The following PDCD6 variants were observed in gnomAD, a reference collection of about 807,000 sequenced individuals.
The protein encoded by PDCD6 is programmed cell death protein 6.
PDCD6 carries 12 observed loss-of-function variants against 28.3 expected under a neutral mutation model. That is an observed-to-expected ratio of 0.42 (90% CI 0.27 to 0.69). PDCD6 has a LOEUF of 0.69. PDCD6 is among the 30% of genes least tolerant of loss of function. The pLI is 0.22. For missense variants in PDCD6, 226 were observed against 269.9 expected (o/e 0.84, Z 1.14); for synonymous variants, 92 against 108.0 (o/e 0.85, Z 0.92).
chr5:278,316 TCAA>T (rs1738335096), intron 2 of PDCD6, among the ~76,000 whole-genome samples: 1 of 151,806 alleles, frequency 6.6e-6, no homozygotes, highest in Admixed American at 6.6e-5. Flanking sequence ...ATAAATGAGA[TCAA>T]CAAAAATACC....
At chr5:309,027 A>T (rs1740720207) in intron 4 of PDCD6, 1 of 153,306 alleles carries the variant, frequency 6.5e-6, no homozygotes, top group Non-Finnish European at 1.5e-5. Context: ...CGTGTCTGAC[A>T]AAGGCAGTCG....
rs769286195 is a variant in PDCD6 at position 271,858 on chromosome 5, G to A, written c.101+37G>A. Reference sequence around the variant, plus strand: ...CACCGCCCGGGCACCTCCCGCCTCCGCCGCGGCGGCCCCGACCCCTGTCCC... The same window carrying A: ...CACCGCCCGGGCACCTCCCGCCTCCACCGCGGCGGCCCCGACCCCTGTCCC... On this transcript the variant is annotated intron_variant, in intron 1 of 5. Transcript: ENST00000264933. 10 of 1,201,790 alleles carry A rather than the reference G, an allele frequency of 8.3e-6. No individual in the cohort carries two copies. The Admixed American group carries it at 2.2e-4, about 26-fold the overall frequency. 74.4% of individuals were successfully genotyped at this position (1,201,790 alleles called of 1,614,324 possible).
chr5:293,997 C>T (rs1040407786), intron 2 of PDCD6, among the ~76,000 whole-genome samples: 4 of 143,484 alleles, frequency 2.8e-5, no homozygotes, highest in African/African-American at 8.6e-5. Context: ...TGCAAACGCC[C>T]GCGATACTGT....
At chr5:311,088 C>T (rs1176916980) in intron 4 of PDCD6, 2 of 539,306 alleles carry the variant, frequency 3.7e-6, no homozygotes, top group African/African-American at 3.9e-5. Context: ...TCACTCCATG[C>T]ACTGGGGATG....
intron 3 of PDCD6, chr5:304,717 C>G (rs1259650958): frequency 6.4e-6 from 1 of 155,082 alleles, no homozygotes; most frequent in Non-Finnish European, 1.4e-5. Context: ...TTTTCCTGCT[C>G]AAGCCCACAC....
At chr5:303,340 AG>A (rs1262051525) in intron 2 of PDCD6, among the ~76,000 whole-genome samples, 4 of 151,372 alleles carry the variant, frequency 2.6e-5, no homozygotes, top group African/African-American at 4.9e-5. Context: ...ACGGGGTATG[AG>A]GAGAGCCACT....
At chr5:280,898 A>G (rs1321580612) in intron 2 of PDCD6, among the ~76,000 whole-genome samples, 1 of 152,246 alleles carries the variant, frequency 6.6e-6, no homozygotes, top group Non-Finnish European at 1.5e-5. Context: ...GGGAGCTGGC[A>G]TTTATGCTCA....
chr5:305,987 A>AT lies in PDCD6; in HGVS notation c.209-610dup, dbSNP rs1740454847. 6.5e-6 allele frequency: 1 copy of AT among 153,558 alleles called. No homozygotes were observed. Among genetic ancestry groups the AT allele is most frequent in the Non-Finnish European group, 1.4e-5 (1 of 68,984 alleles). 9.5% of individuals were successfully genotyped at this position (153,558 alleles called of 1,614,324 possible). A position where few individuals can be genotyped will look rare whatever the true frequency, so the allele number is the denominator to read the frequency against. On this transcript the variant is annotated intron_variant, in intron 3 of 5. Transcript: ENST00000264933. This position sits in a 1 kb window ranked among gnomAD's most constrained non-coding sequence, Gnocchi z 4.0. ...TCTCTGCAGCAGTAATTCACACTGAATTTTTCTATGTTTTTTAGCCATATT... is the reference window on the plus strand; with the variant it reads ...TCTCTGCAGCAGTAATTCACACTGAATTTTTTCTATGTTTTTTAGCCATATT...
At chr5:273,622 A>T (rs751610318) in intron 2 of PDCD6, among the ~76,000 whole-genome samples, 12 of 152,186 alleles carry the variant, frequency 7.9e-5, no homozygotes, top group South Asian at 2.1e-4. Context: ...AAGTATCTGA[A>T]GTTGCCAGAG....
At chr5:298,531 T>C (rs1739762185) in intron 2 of PDCD6, among the ~76,000 whole-genome samples, 1 of 151,758 alleles carries the variant, frequency 6.6e-6, no homozygotes, top group Admixed American at 6.6e-5. Flanking sequence ...CCCCATGTCA[T>C]GTGCAGATGA....
intron 2 of PDCD6, among the ~76,000 whole-genome samples, chr5:280,313 CA>C (rs59053703): frequency 0.096 from 14,583 of 152,158 alleles, 2,265 homozygotes; most frequent in African/African-American, 0.33. Flanking sequence ...GGGAACAGCA[CA>C]GGGGAGAGAC....
intron 4 of PDCD6, among the ~76,000 whole-genome samples, 176 bp downstream of exon 4, chr5:306,936 T>C (rs926775096): frequency 8.5e-5 from 13 of 152,244 alleles, no homozygotes; most frequent in Admixed American, 1.3e-4. Context: ...ATCCTCGACA[T>C]GGATACGTTT....
chr5:274,983 T>G (rs1738096460), intron 2 of PDCD6, among the ~76,000 whole-genome samples: 1 of 152,228 alleles, frequency 6.6e-6, no homozygotes, highest in African/African-American at 2.4e-5. Flanking sequence ...ACCCAAGCTG[T>G]GTATCGGGAC....
At chr5:290,245 A>G in intron 2 of PDCD6, 1 of 1,527,862 alleles carries the variant, frequency 6.5e-7, no homozygotes, top group Admixed American at 1.7e-5. Flanking sequence ...AAAGAAACTG[A>G]TCCAGGACAG....
Position 271,693 on chromosome 5 carries a change from G to T in PDCD6, c.-28G>T. 4 of 1,371,998 alleles carry T rather than the reference G, an allele frequency of 2.9e-6. No homozygotes were observed. Among genetic ancestry groups the T allele is most frequent in the African/African-American group, 1.5e-5 (1 of 68,658 alleles). 85.0% of individuals were successfully genotyped at this position (1,371,998 alleles called of 1,614,324 possible). A position where few individuals can be genotyped will look rare whatever the true frequency, so the allele number is the denominator to read the frequency against. The stretch of plus-strand genomic sequence containing the variant: ...TGAGAGGTCTCTCGTCGCTGCAGGC[G>T]CCTCAGCCCAGCCGCGTGCCTTGGC... On this transcript the variant is annotated 5_prime_UTR_variant, in exon 1 of 6. Coordinates refer to ENST00000264933, the MANE Select transcript of PDCD6 (RefSeq NM_013232.4).
chr5:314,491 G>T lies in PDCD6; in HGVS notation c.552G>T (p.Leu184=). 2 of 1,613,430 alleles carry T rather than the reference G, an allele frequency of 1.2e-6. No individual in the cohort carries two copies. Among genetic ancestry groups the T allele is most frequent in the Middle Eastern group, 1.6e-4 (1 of 6,062 alleles). ...GWIQVSYEQY[L]SMVFSIV ...TTCAGGTGTCGTACGAACAGTACCT[G>T]TCCATGGTCTTCAGTATCGTATGAC... is the stretch of plus-strand genomic sequence containing the variant. Residue 184 remains leucine, a synonymous_variant, in exon 6 of 6, where the codon CTG becomes CTT. Coordinates refer to ENST00000264933, the MANE Select transcript of PDCD6 (RefSeq NM_013232.4).
intron 2 of PDCD6, among the ~76,000 whole-genome samples, chr5:291,972 C>G (rs1033746352): frequency 5.9e-5 from 9 of 152,228 alleles, no homozygotes; most frequent in African/African-American, 1.7e-4. Flanking sequence ...ACAACATACT[C>G]TTTCATATAC....
At position 299,745 on chromosome 5, in the gene PDCD6, T is replaced by C. The variant is rs568587225; in HGVS notation, c.164-4432T>C. Among the ~76,000 whole-genome samples the C allele has an allele frequency of 9.2e-5, 14 of 152,298 alleles. No homozygotes were observed. In the South Asian group the frequency reaches 1.9e-3, roughly 20 times the overall value. On this transcript the variant is annotated intron_variant, in intron 2 of 5. Coordinates refer to ENST00000264933, the MANE Select transcript of PDCD6 (RefSeq NM_013232.4). ...TTTGTATTTTTAGTAGAGATGGGGT[T>C]TCACCATATTAGCCAGGATGGTCTC...
At chr5:300,216 A>G (rs1348606271) in intron 2 of PDCD6, among the ~76,000 whole-genome samples, 4 of 152,192 alleles carry the variant, frequency 2.6e-5, no homozygotes, top group African/African-American at 9.6e-5. Context: ...TGGGTAGTTG[A>G]CCAACAAGGT....
Sources: allele counts gnomAD v4.1 joint callset (sites outside exome capture counted in the v4.1 genomes callset), GRCh38; gene constraint gnomAD v4.1.1; non-coding constraint Gnocchi (gnomAD v3.1); transcripts MANE v1.5; gene names NCBI Gene and HGNC (gene_info 2026-07-23, HGNC 2026-07-21).